The following TRIM56 variants were observed in gnomAD, a reference collection of about 807,000 sequenced individuals.
TRIM56 encodes tripartite motif containing 56.
In TRIM56, 10 loss-of-function variants were observed where a neutral mutation model predicts 17.1. The observed-to-expected ratio is 0.58, with a 90% confidence interval of 0.36 to 0.99. The LOEUF is 0.99. Ranked by LOEUF, TRIM56 falls within the 50% of genes least tolerant of loss-of-function variation. TRIM56 has a pLI of 0.01. For synonymous variants in TRIM56, 503 were observed against 473.5 expected (o/e 1.06, Z -0.81); for missense variants, 923 against 1,052.3 (o/e 0.88, Z 1.70).
At position 101,087,547 on chromosome 7, in the gene TRIM56, G is replaced by A. The variant is rs753231090; in HGVS notation, c.235G>A (p.Val79Ile). 22 of 1,613,038 alleles carry A rather than the reference G, an allele frequency of 1.4e-5. No individual in the cohort carries two copies. In the East Asian group the frequency reaches 2.7e-4, roughly 20 times the overall value. ...GGCCTCCTTCAAGACCAACTTCTTC[G>A]TCAATGGGCTGCTGGACCTGGTGAA... Reference protein sequence around the residue: ...GVASFKTNFFVNGLLDLVKAR... With the variant: ...GVASFKTNFFINGLLDLVKAR... Residue 79 changes from valine (V) to isoleucine (I), a missense_variant, in exon 3 of 3, where the codon GTC becomes ATC. Val to Ile is a conservative substitution (Grantham distance 29). This residue lies in a region of TRIM56 where 98 missense variants were observed against 143.6 expected (regional missense o/e 0.68). Coordinates refer to ENST00000306085, the MANE Select transcript of TRIM56 (RefSeq NM_030961.3).
At position 101,097,705 on chromosome 7, in the gene TRIM56, G is replaced by C. The variant is rs930951730; in HGVS notation, c.*8125G>C. ...TCTCCAGAGAAAGTTAGAACTGGTT[G>C]ACTTAGCAACCAAGGGACACTGGGT... On this transcript the variant is annotated 3_prime_UTR_variant, in exon 3 of 3. Coordinates refer to ENST00000306085, the MANE Select transcript of TRIM56 (RefSeq NM_030961.3). 17 of 152,146 alleles carry C rather than the reference G, an allele frequency of 1.1e-4. No individual in the cohort carries two copies. Among genetic ancestry groups the C allele is most frequent in the African/African-American group, 4.1e-4 (17 of 41,424 alleles). 9.4% of individuals were successfully genotyped at this position (152,146 alleles called of 1,614,324 possible).
At position 101,091,063 on chromosome 7, in the gene TRIM56, C is replaced by G. The variant is rs554397831; in HGVS notation, c.*1483C>G. The G allele has an allele frequency of 6.6e-6, 1 of 152,352 alleles. No homozygotes were observed. Among genetic ancestry groups the G allele is most frequent in the Admixed American group, 6.5e-5 (1 of 15,284 alleles). The allele number at this position is 152,352 out of a possible 1,614,324, so 9.4% of individuals were successfully genotyped here. A position where few individuals can be genotyped will look rare whatever the true frequency, so the allele number is the denominator to read the frequency against. On this transcript the variant is annotated 3_prime_UTR_variant, in exon 3 of 3. Transcript: ENST00000306085. ...ATGGGGCTGCGACGGATAGAGGTGT[C>G]AAACCAGAAGGGAGGAACCCGTCGG...
Position 101,089,284 on chromosome 7 carries a change from G to C in TRIM56, c.1972G>C (p.Val658Leu), listed in dbSNP as rs1207281108. The C allele has an allele frequency of 6.2e-7, 1 of 1,607,708 alleles. No homozygotes were observed. Among genetic ancestry groups the C allele is most frequent in the Non-Finnish European group, 8.5e-7 (1 of 1,175,306 alleles). The change falls in exon 3 of 3, where the codon GTG becomes CTG. Residue 658 changes from valine to leucine, a missense_variant. Val to Leu is a conservative substitution (Grantham distance 32). Around this residue, in one of 3 missense-constraint regions of TRIM56, gnomAD observed 182 missense variants for 243.1 expected, o/e 0.75. Coordinates refer to ENST00000306085, the MANE Select transcript of TRIM56 (RefSeq NM_030961.3). ...GGGGTCGGACTGGCAGCAGAATAGTGTGGTAATCTGTGATGGGCTGGGCCA... is the reference window on the plus strand; with the variant it reads ...GGGGTCGGACTGGCAGCAGAATAGTCTGGTAATCTGTGATGGGCTGGGCCA... ...FVGSDWQQNS[V>L]VICDGLGQVV...
At position 101,095,066 on chromosome 7, in the gene TRIM56, C is replaced by CAAAAAAA. The variant is rs56165943; in HGVS notation, c.*5498_*5504dup. The CAAAAAAA allele has an allele frequency of 8.1e-6, 1 of 123,622 alleles. No homozygotes were observed. 7.7% of individuals were successfully genotyped at this position (123,622 alleles called of 1,614,324 possible). On this transcript the variant is annotated 3_prime_UTR_variant, in exon 3 of 3. Transcript: ENST00000306085. ...TGCCTCCCAAGGCTGGGCTCCGCGTCAAAAAAAAAAAAAAAAAATGAGACT... is the reference window on the plus strand; with the variant it reads ...TGCCTCCCAAGGCTGGGCTCCGCGTCAAAAAAAAAAAAAAAAAAAAAAAAATGAGACT...
Position 101,089,798 on chromosome 7 carries a change from G to T in TRIM56, c.*218G>T. 2.0e-6 allele frequency: 1 copy of T among 508,046 alleles called. No homozygotes were observed. The highest frequency in any genetic ancestry group is 3.6e-6 in the Non-Finnish European group (1 of 280,300). The allele number at this position is 508,046 out of a possible 1,614,324, so 31.5% of individuals were successfully genotyped here. ...ACTCTCAGAAGCAGAGGAGGCAGGT[G>T]GGTGGAGGGGGATGCTGGGAGTTCA... On this transcript the variant is annotated 3_prime_UTR_variant, in exon 3 of 3. Coordinates refer to ENST00000306085, the MANE Select transcript of TRIM56 (RefSeq NM_030961.3).
At position 101,088,707 on chromosome 7, in the gene TRIM56, C is replaced by G; in HGVS notation, c.1395C>G (p.Gly465=). The change falls in exon 3 of 3, where the codon GGC becomes GGG. Residue 465 remains glycine, a synonymous_variant. Coordinates refer to ENST00000306085, the MANE Select transcript of TRIM56 (RefSeq NM_030961.3). Reference sequence around the variant, plus strand: ...CCAACAAGAAGAAAAAGTTCAAAGGCAGGCTCAAGTCAATTTCCCGGGAGC... The same window carrying G: ...CCAACAAGAAGAAAAAGTTCAAAGGGAGGCTCAAGTCAATTTCCCGGGAGC... ...GRPNKKKKFK[G]RLKSISREPS... The G allele has an allele frequency of 1.2e-6, 2 of 1,614,050 alleles. No homozygotes were observed. The highest frequency in any genetic ancestry group is 1.7e-6 in the Non-Finnish European group (2 of 1,179,968).
In TRIM56 at chr7:101,087,907, G is replaced by GAC. The variant is rs1409885074; in HGVS notation, c.596_597dup (p.His200ThrfsTer43). The GAC allele has an allele frequency of 6.2e-7, 1 of 1,602,460 alleles. No individual in the cohort carries two copies. Among genetic ancestry groups the GAC allele is most frequent in the Non-Finnish European group, 8.5e-7 (1 of 1,177,766 alleles). On this transcript the variant is annotated frameshift_variant, in exon 3 of 3. Transcript: ENST00000306085. LOFTEE classifies it low-confidence loss of function (END_TRUNC). ...AGAGTGCCGCCTAGACCCCCACCTG[G>GAC]ACCACCCCTGCCTGCCTCTGGCTGA...
chr7:101,085,971 G>A (rs899647483), intron 1 of TRIM56, among the ~76,000 whole-genome samples: 2 of 152,164 alleles, frequency 1.3e-5, no homozygotes, highest in Non-Finnish European at 2.9e-5. Flanking sequence ...TCTATCAGAG[G>A]GTGAGCCAGC....
At position 101,088,788 on chromosome 7, in the gene TRIM56, C is replaced by G. The variant is rs1482670876; in HGVS notation, c.1476C>G (p.Ile492Met). ...LDGSGLLPRP[I>M]FYCSFPTRMP... ...GCTCTGGCCTCCTCCCCAGACCCAT[C>G]TTTTACTGCAGTTTCCCCACGCGGA... The change falls in exon 3 of 3, where the codon ATC becomes ATG. Residue 492 changes from isoleucine to methionine, a missense_variant. By Grantham distance (10) the Ile-to-Met change is conservative (BLOSUM62 1). Transcript: ENST00000306085. 8 of 1,613,918 alleles carry G rather than the reference C, an allele frequency of 5.0e-6. No individual in the cohort carries two copies. In the East Asian group the frequency reaches 1.6e-4, roughly 31 times the overall value.
chr7:101,088,848 G>C lies in TRIM56; in HGVS notation c.1536G>C (p.Gly512=), dbSNP rs200922996. 20 of 1,613,856 alleles carry C rather than the reference G, an allele frequency of 1.2e-5. No individual in the cohort carries two copies. The Admixed American group carries it at 3.2e-4, about 26-fold the overall frequency. The change falls in exon 3 of 3, where the codon GGG becomes GGC. Residue 512 remains glycine, a synonymous_variant. Transcript: ENST00000306085. Reference sequence around the variant, plus strand: ...ACAAGCGGTCCCCCCGGATCACCGGGCTCTGTCCCTTCGGTCCCCGGGAGA... The same window carrying C: ...ACAAGCGGTCCCCCCGGATCACCGGCCTCTGTCCCTTCGGTCCCCGGGAGA... ...PGDKRSPRIT[G]LCPFGPREIL... is the part of the protein sequence containing the mutation.
In TRIM56 at chr7:101,087,852, G is replaced by A. The variant is rs1006003732; in HGVS notation, c.540G>A (p.Leu180=). Residue 180 remains leucine, a synonymous_variant, in exon 3 of 3, where the codon CTG becomes CTA. Transcript: ENST00000306085. Reference sequence around the variant, plus strand: ...ACCCCGGGGAGGCACTGCGCTTCCTGTGCCAGCCCTGCTCACAGTTGCTGT... The same window carrying A: ...ACCCCGGGGAGGCACTGCGCTTCCTATGCCAGCCCTGCTCACAGTTGCTGT... The part of the protein sequence containing the change: ...PQHPGEALRF[L]CQPCSQLLCR... 1.9e-6 allele frequency: 3 copies of A among 1,605,318 alleles called. No individual in the cohort carries two copies. Among genetic ancestry groups the A allele is most frequent in the Non-Finnish European group, 2.5e-6 (3 of 1,177,218 alleles).
Position 101,091,119 on chromosome 7 carries a change from A to C in TRIM56, c.*1539A>C, listed in dbSNP as rs1253825476. ...GGCTGTGACCACCGGACCTTTTCAT[A>C]AGTGGTGGCAGTGGTAGAATTGAGG... On this transcript the variant is annotated 3_prime_UTR_variant, in exon 3 of 3. Transcript: ENST00000306085. The C allele has an allele frequency of 6.6e-6, 1 of 152,226 alleles. No homozygotes were observed. The highest frequency in any genetic ancestry group is 2.4e-5 in the African/African-American group (1 of 41,408). The allele number at this position is 152,226 out of a possible 1,614,324, so 9.4% of individuals were successfully genotyped here. A position where few individuals can be genotyped will look rare whatever the true frequency, so the allele number is the denominator to read the frequency against.
chr7:101,086,560 CAAAAA>C (rs768912765), intron 1 of TRIM56, among the ~76,000 whole-genome samples: 2 of 39,058 alleles, frequency 5.1e-5, no homozygotes, highest in African/African-American at 1.7e-4. Flanking sequence ...GACTCTGTCT[CAAAAA>C]AAAAAAAAAA....
Position 101,087,900 on chromosome 7 carries a change from C to G in TRIM56, c.588C>G (p.Pro196=). The stretch of plus-strand genomic sequence containing the variant: ...TGTGCAGAGAGTGCCGCCTAGACCC[C>G]CACCTGGACCACCCCTGCCTGCCTC... ...QLLCRECRLD[P]HLDHPCLPLA... is the part of the protein sequence containing the mutation. The change falls in exon 3 of 3, where the codon CCC becomes CCG. Residue 196 remains proline, a synonymous_variant. Coordinates refer to ENST00000306085, the MANE Select transcript of TRIM56 (RefSeq NM_030961.3). The G allele has an allele frequency of 6.2e-7, 1 of 1,603,614 alleles. No homozygotes were observed. Among genetic ancestry groups the G allele is most frequent in the Non-Finnish European group, 8.5e-7 (1 of 1,178,106 alleles).
In TRIM56 at chr7:101,091,394, AT is replaced by A. The variant is rs1795562371; in HGVS notation, c.*1816del. ...GGTGGACACATTCCATTATCTACAA[AT>A]TACAAAGGTAGGCACAGCAAAGAAT... On this transcript the variant is annotated 3_prime_UTR_variant, in exon 3 of 3. Coordinates refer to ENST00000306085, the MANE Select transcript of TRIM56 (RefSeq NM_030961.3). 5.7e-6 allele frequency: 1 copy of A among 176,052 alleles called. No individual in the cohort carries two copies. The highest frequency in any genetic ancestry group is 2.4e-5 in the African/African-American group (1 of 41,586). 10.9% of individuals were successfully genotyped at this position (176,052 alleles called of 1,614,324 possible).
chr7:101,090,375 G>A lies in TRIM56; in HGVS notation c.*795G>A, dbSNP rs1304202650. On this transcript the variant is annotated 3_prime_UTR_variant, in exon 3 of 3. Transcript: ENST00000306085. Reference sequence around the variant, plus strand: ...CGCAGTGGCTCATGCCTATAATCCCGGCACTTTGGGAGTCTGTGGCAGGAG... The same window carrying A: ...CGCAGTGGCTCATGCCTATAATCCCAGCACTTTGGGAGTCTGTGGCAGGAG... 3.0e-5 allele frequency: 5 copies of A among 165,296 alleles called. No individual in the cohort carries two copies. The highest frequency in any genetic ancestry group is 7.3e-5 in the African/African-American group (3 of 41,340). The allele number at this position is 165,296 out of a possible 1,614,324, so 10.2% of individuals were successfully genotyped here.
At position 101,087,514 on chromosome 7, in the gene TRIM56, G is replaced by A. The variant is rs745831716; in HGVS notation, c.202G>A (p.Glu68Lys). ...CCGCGAGACAGTGCCTGTGCCGCCCGAGGGTGTGGCCTCCTTCAAGACCAA... is the reference window on the plus strand; with the variant it reads ...CCGCGAGACAGTGCCTGTGCCGCCCAAGGGTGTGGCCTCCTTCAAGACCAA... ...ECRETVPVPP[E>K]GVASFKTNFF... Residue 68 changes from glutamate (E) to lysine (K), a missense_variant, in exon 3 of 3, where the codon GAG becomes AAG. Glu to Lys is a moderately conservative substitution (Grantham distance 56). Coordinates refer to ENST00000306085, the MANE Select transcript of TRIM56 (RefSeq NM_030961.3). 1.5e-5 allele frequency: 24 copies of A among 1,613,284 alleles called. 1 individual carries two copies. The highest frequency in any genetic ancestry group is 8.3e-5 in the Admixed American group (5 of 59,978).
rs1360313902 is a variant in TRIM56, at chr7:101,088,590, A to T, written c.1278A>T (p.Thr426=). 6.2e-7 allele frequency: 1 copy of T among 1,612,850 alleles called. No individual in the cohort carries two copies. Among genetic ancestry groups the T allele is most frequent in the Non-Finnish European group, 8.5e-7 (1 of 1,179,156 alleles). Residue 426 remains threonine, a synonymous_variant, in exon 3 of 3, where the codon ACA becomes ACT. Coordinates refer to ENST00000306085, the MANE Select transcript of TRIM56 (RefSeq NM_030961.3). Reference sequence around the variant, plus strand: ...CCCCAAAAGAGGAAAAAGCCCAGACAACCCGAGAAGAGGGAGCCCAGACCT... The same window carrying T: ...CCCCAAAAGAGGAAAAAGCCCAGACTACCCGAGAAGAGGGAGCCCAGACCT... ...AQTPKEEKAQ[T]TREEGAQTLE...
chr7:101,087,459 G>A lies in TRIM56; in HGVS notation c.147G>A (p.Ala49=), dbSNP rs749040243. 18 of 1,613,334 alleles carry A rather than the reference G, an allele frequency of 1.1e-5. No individual in the cohort carries two copies. Among genetic ancestry groups the A allele is most frequent in the African/African-American group, 6.7e-5 (5 of 74,950 alleles). The change falls in exon 3 of 3, where the codon GCG becomes GCA. Residue 49 remains alanine (A), a synonymous_variant. Transcript: ENST00000306085. ...GCCAAGACTGCCTGGCACAGCTGGC[G>A]GATGGCGGCCGCGTCCGCTGCCCCG... is the stretch of plus-strand genomic sequence containing the variant. ...TYCQDCLAQL[A]DGGRVRCPEC... is the part of the protein sequence containing the mutation.
Sources: allele counts gnomAD v4.1 joint callset (sites outside exome capture counted in the v4.1 genomes callset), GRCh38; gene constraint gnomAD v4.1.1; regional missense constraint gnomAD v4.1.1; transcripts MANE v1.5; gene names NCBI Gene and HGNC (gene_info 2026-07-23, HGNC 2026-07-21).